DNAH12: variants seen among roughly 807,000 people sequenced by gnomAD.
DNAH12 encodes the protein dynein axonemal heavy chain 12, also known as axonemal beta dynein heavy chain 12.
Under a neutral mutation model 371.5 loss-of-function variants are expected in DNAH12, and 285 were observed. That is an observed-to-expected ratio of 0.77 (90% CI 0.70 to 0.85). DNAH12 has a LOEUF of 0.85. Among genes scored for constraint, DNAH12 ranks in the 40% least tolerant of loss-of-function variants. The pLI is 0.00. For missense variants in DNAH12, 3,611 were observed against 3,689.4 expected (o/e 0.98, Z 0.55); for synonymous variants, 1,200 against 1,213.0 (o/e 0.99, Z 0.22).
Position 57,314,594 on chromosome 3 carries a change from T to A in DNAH12, c.10562A>T (p.His3521Leu), listed in dbSNP as rs1227959565. The A allele has an allele frequency of 6.5e-7, 1 of 1,549,716 alleles. No homozygotes were observed. Among genetic ancestry groups the A allele is most frequent in the Admixed American group, 2.0e-5 (1 of 50,476 alleles). ...EKLLFGVCFF[H>L]ALVQERKKFG... The stretch of plus-strand genomic sequence containing the variant: ...TTTCTTTCTCTCTTGCACAAGGGCA[T>A]GAAAAAAACAAACTCCAAACAGTAA... Residue 3521 changes from histidine (H) to leucine (L), a missense_variant, in exon 66 of 74, where the codon CAT becomes CTT. Physicochemically the swap from His to Leu is moderately conservative, Grantham distance 99 (BLOSUM62 -3). This residue lies in a region of DNAH12 where 2,266 missense variants were observed against 2,236.9 expected (regional missense o/e 1.01). Transcript: ENST00000495027.
chr3:57,453,903 T>C (rs1409841459), intron 23 of DNAH12, among the ~76,000 whole-genome samples: 1 of 152,092 alleles, frequency 6.6e-6, no homozygotes, highest in African/African-American at 2.4e-5. Context: ...GAGGACATGA[T>C]TTCAAGACCA....
At chr3:57,427,155 T>TGTGTGTGTGTGC (rs2064801606) in intron 34 of DNAH12, among the ~76,000 whole-genome samples, 1 of 151,422 alleles carries the variant, frequency 6.6e-6, no homozygotes, top group Non-Finnish European at 1.5e-5. Context: ...TGTGTGTGTG[T>TGTGTGTGTGTGC]GTGTGTGTGT....
In DNAH12 at chr3:57,472,625, G is replaced by A. The variant is rs1284399324; in HGVS notation, c.1697C>T (p.Pro566Leu). ...TGCATTTAAAGCTAAGTCTTCTTGAGGAAATAGGAAAACATCTAAAAAGTA... is the reference window on the plus strand; with the variant it reads ...TGCATTTAAAGCTAAGTCTTCTTGAAGAAATAGGAAAACATCTAAAAAGTA... ...MSYFLDVFLF[P>L]QEDLALNATV... The change falls in exon 14 of 74, where the codon CCT (proline) becomes CTT (leucine). Residue 566 changes from proline (P) to leucine (L), a missense_variant. Coordinates refer to ENST00000495027, the MANE Select transcript of DNAH12 (RefSeq NM_001366028.2). 1 of 1,550,900 alleles carries A rather than the reference G, an allele frequency of 6.4e-7. No individual in the cohort carries two copies. The highest frequency in any genetic ancestry group is 1.2e-5 in the South Asian group (1 of 83,844).
At chr3:57,471,414 CAT>C in intron 15 of DNAH12, 56 bp downstream of exon 15, 1 of 1,366,370 alleles carries the variant, frequency 7.3e-7, no homozygotes, top group Non-Finnish European at 9.5e-7. Flanking sequence ...TTTATGTTAA[CAT>C]GTCCTATATG....
intron 55 of DNAH12, among the ~76,000 whole-genome samples, chr3:57,373,669 C>A (rs928313930): frequency 2.0e-5 from 3 of 152,050 alleles, no homozygotes; most frequent in Non-Finnish European, 4.4e-5. Flanking sequence ...TCTGAATGGT[C>A]ACGAAACACA....
At position 57,408,266 on chromosome 3, in the gene DNAH12, C is replaced by T. The variant is rs2153354237; in HGVS notation, c.6276+14G>A. The T allele has an allele frequency of 5.3e-6, 8 of 1,517,696 alleles. No homozygotes were observed. Among genetic ancestry groups the T allele is most frequent in the Non-Finnish European group, 6.2e-6 (7 of 1,133,136 alleles). 94.0% of individuals were successfully genotyped at this position (1,517,696 alleles called of 1,614,324 possible). A position where few individuals can be genotyped will look rare whatever the true frequency, so the allele number is the denominator to read the frequency against. On this transcript the variant is annotated intron_variant, in intron 40 of 73. Coordinates refer to ENST00000495027, the MANE Select transcript of DNAH12 (RefSeq NM_001366028.2). ...ATGTAATACTAAAACATTTACATTGCATTATTGACTGACCTCCATAGTCCC... is the reference window on the plus strand; with the variant it reads ...ATGTAATACTAAAACATTTACATTGTATTATTGACTGACCTCCATAGTCCC...
intron 13 of DNAH12, among the ~76,000 whole-genome samples, chr3:57,481,079 G>T (rs2066726152): frequency 6.6e-6 from 1 of 152,152 alleles, no homozygotes; most frequent in Non-Finnish European, 1.5e-5. Context: ...GGGCAATCAG[G>T]CAGGAGAAGG....
At position 57,301,952 on chromosome 3, in the gene DNAH12, A is replaced by C; in HGVS notation, c.11190-13T>G. On this transcript the variant is annotated splice_polypyrimidine_tract_variant and intron_variant, in intron 69 of 73. Coordinates refer to ENST00000495027, the MANE Select transcript of DNAH12 (RefSeq NM_001366028.2). Reference sequence around the variant, plus strand: ...AGTTATAATTAAACTGCAATGAAAGAAATTATGTCATCAACATATATGATG... The same window carrying C: ...AGTTATAATTAAACTGCAATGAAAGCAATTATGTCATCAACATATATGATG... 6.5e-7 allele frequency: 1 copy of C among 1,549,334 alleles called. No homozygotes were observed. The highest frequency in any genetic ancestry group is 8.7e-7 in the Non-Finnish European group (1 of 1,145,062).
At chr3:57,367,279 T>C (rs1015663570) in intron 56 of DNAH12, among the ~76,000 whole-genome samples, 2 of 152,130 alleles carry the variant, frequency 1.3e-5, no homozygotes, top group Admixed American at 1.3e-4. Context: ...GAGCTGAGAC[T>C]GCACCACTAC....
intron 4 of DNAH12, chr3:57,519,601 G>C: frequency 1.1e-6 from 1 of 912,778 alleles, no homozygotes; most frequent in Non-Finnish European, 1.8e-6. Context: ...TCTAGCCTTT[G>C]AAGGGCACTT....
At chr3:57,425,582 A>G (rs1370048991) in intron 34 of DNAH12, among the ~76,000 whole-genome samples, 1 of 152,196 alleles carries the variant, frequency 6.6e-6, no homozygotes, top group Non-Finnish European at 1.5e-5. Context: ...TAAGGTCTTT[A>G]TAATATTTAA....
intron 8 of DNAH12, among the ~76,000 whole-genome samples, chr3:57,504,877 C>A (rs1309328163): frequency 6.9e-6 from 1 of 144,674 alleles, no homozygotes; most frequent in African/African-American, 2.6e-5. Context: ...CTTTTTTTTT[C>A]TTTTTTCTTT....
At chr3:57,302,787 G>A (rs533007128) in intron 69 of DNAH12, among the ~76,000 whole-genome samples, 9 of 148,518 alleles carry the variant, frequency 6.1e-5, no homozygotes, top group African/African-American at 2.2e-4. Flanking sequence ...TGTTGGCCAG[G>A]CTGGTCTCGA....
At chr3:57,380,033 T>A (rs1300239418) in intron 51 of DNAH12, among the ~76,000 whole-genome samples, 1 of 152,024 alleles carries the variant, frequency 6.6e-6, no homozygotes, top group Non-Finnish European at 1.5e-5. Context: ...TTTAGACAAC[T>A]CTTTCAACTC....
intron 8 of DNAH12, among the ~76,000 whole-genome samples, chr3:57,505,137 C>T (rs2067704977): frequency 1.3e-5 from 2 of 152,120 alleles, no homozygotes; most frequent in South Asian, 2.1e-4. Context: ...GACCCGCCTG[C>T]TTTGGCCTCT....
At chr3:57,388,480 A>G (rs2063540638) in intron 45 of DNAH12, among the ~76,000 whole-genome samples, 1 of 152,090 alleles carries the variant, frequency 6.6e-6, no homozygotes, top group Non-Finnish European at 1.5e-5. Flanking sequence ...GTCTAGCCTA[A>G]GCACATACTG....
At chr3:57,350,956 A>AT (rs782188331) in intron 60 of DNAH12, among the ~76,000 whole-genome samples, 39 of 152,226 alleles carry the variant, frequency 2.6e-4, no homozygotes, top group African/African-American at 4.6e-4. Context: ...ACCAAAACAG[A>AT]TTTTTTTAAC....
intron 65 of DNAH12, among the ~76,000 whole-genome samples, chr3:57,318,051 T>C (rs1392661419): frequency 6.6e-6 from 1 of 152,172 alleles, no homozygotes; most frequent in Non-Finnish European, 1.5e-5. Flanking sequence ...GTGTTCCATA[T>C]ATATTTTGGA....
At chr3:57,367,664 T>A (rs886263762) in intron 56 of DNAH12, among the ~76,000 whole-genome samples, 1 of 152,140 alleles carries the variant, frequency 6.6e-6, no homozygotes, top group Admixed American at 6.5e-5. Context: ...ATTCCTGTAA[T>A]CCCAGCACTT....
Sources: allele counts gnomAD v4.1 joint callset (sites outside exome capture counted in the v4.1 genomes callset), GRCh38; gene constraint gnomAD v4.1.1; regional missense constraint gnomAD v4.1.1; transcripts MANE v1.5; gene names NCBI Gene and HGNC (gene_info 2026-07-23, HGNC 2026-07-21).